The following RSPO2 variants were observed in gnomAD, a reference collection of about 807,000 sequenced individuals.
The protein encoded by RSPO2 is R-spondin-2.
A neutral mutation model predicts 30.9 loss-of-function variants in RSPO2; 14 were observed. The ratio of observed to expected loss-of-function variants is 0.45; its 90% CI spans 0.30 to 0.71. The LOEUF is 0.71. Among genes scored for constraint, RSPO2 ranks in the 30% least tolerant of loss-of-function variants. The probability of loss-of-function intolerance (pLI) is 0.08; values close to 1 mark genes in which losing one functional copy is unlikely to be tolerated. For synonymous variants in RSPO2, 107 were observed against 96.4 expected, an observed-to-expected ratio of 1.11 and a Z score of -0.64; for missense variants, 264 against 301.9, an observed-to-expected ratio of 0.87 and a Z score of 0.93.
intron 3 of RSPO2, among the ~76,000 whole-genome samples, chr8:107,981,966 A>G (rs1165691454): frequency 7.2e-6 from 1 of 138,138 alleles, no homozygotes; most frequent in Non-Finnish European, 1.6e-5. Context: ...CACAGAAGGG[A>G]TTGAGGCTTC....
intron 2 of RSPO2, among the ~76,000 whole-genome samples, chr8:108,013,183 G>A (rs1405414512): frequency 1.3e-5 from 2 of 152,294 alleles, no homozygotes; most frequent in Admixed American, 6.5e-5. Flanking sequence ...CAGGGATGCT[G>A]TAACCCTTGA....
intron 2 of RSPO2, among the ~76,000 whole-genome samples, chr8:108,078,306 A>C (rs1586684312): frequency 6.6e-6 from 1 of 152,206 alleles, no homozygotes; most frequent in African/African-American, 2.4e-5. Context: ...GTTATGTTGG[A>C]AGAGAAAGCA....
In RSPO2 at chr8:107,900,307, C is replaced by T. The variant is rs1475629601; in HGVS notation, c.*768G>A. 2.6e-5 allele frequency: 4 copies of T among 152,000 alleles called. No homozygotes were observed. The highest frequency in any genetic ancestry group is 2.6e-4 in the Admixed American group (4 of 15,240). The allele number at this position is 152,000 out of a possible 1,614,324, so 9.4% of individuals were successfully genotyped here. On this transcript the variant is annotated 3_prime_UTR_variant, in exon 6 of 6. Coordinates refer to ENST00000276659, the MANE Select transcript of RSPO2 (RefSeq NM_178565.5). ...TATATACAAAAACTAGTTTATCCTA[C>T]CCTTACAATGAGAAATAAGCCCACA... is the stretch of plus-strand genomic sequence containing the variant.
intron 2 of RSPO2, among the ~76,000 whole-genome samples, chr8:107,996,269 CATGAAG>C (rs1049721586): frequency 1.1e-4 from 17 of 152,218 alleles, no homozygotes; most frequent in African/African-American, 4.1e-4. Context: ...CCACCTTAAG[CATGAAG>C]ACCCTATGGA....
chr8:108,018,078 T>A (rs1810950748), intron 2 of RSPO2, among the ~76,000 whole-genome samples: 1 of 152,234 alleles, frequency 6.6e-6, no homozygotes. Flanking sequence ...ATAATATTTT[T>A]ATTTACTTAA....
intron 2 of RSPO2, among the ~76,000 whole-genome samples, chr8:108,065,058 T>C (rs1812617168): frequency 6.6e-6 from 1 of 151,892 alleles, no homozygotes; most frequent in South Asian, 2.1e-4. Flanking sequence ...CATTAGGATA[T>C]ATACCTAATG....
intron 3 of RSPO2, among the ~76,000 whole-genome samples, chr8:107,976,235 G>T (rs1166638854): frequency 6.6e-6 from 1 of 152,126 alleles, no homozygotes; most frequent in Non-Finnish European, 1.5e-5. Context: ...TTTTATGATG[G>T]GCAGTTGAAC....
At chr8:107,948,097 T>C (rs1288809012) in intron 5 of RSPO2, among the ~76,000 whole-genome samples, 10 of 152,240 alleles carry the variant, frequency 6.6e-5, no homozygotes, top group Admixed American at 6.5e-4. Flanking sequence ...TCAGAGCCTG[T>C]AACAATGTCA....
chr8:108,050,496 T>A (rs1766313021), intron 2 of RSPO2, among the ~76,000 whole-genome samples: 1 of 152,198 alleles, frequency 6.6e-6, no homozygotes, highest in East Asian at 1.9e-4. Context: ...TTAATTTTTT[T>A]ATTCTAGACC....
chr8:108,055,209 G>C (rs958451220), intron 2 of RSPO2, among the ~76,000 whole-genome samples: 1 of 152,152 alleles, frequency 6.6e-6, no homozygotes, highest in Non-Finnish European at 1.5e-5. Context: ...TGAAAAACAC[G>C]AGTAAAGAGC....
At chr8:107,970,163 T>C (rs2130468092) in intron 3 of RSPO2, among the ~76,000 whole-genome samples, 3 of 152,352 alleles carry the variant, frequency 2.0e-5, no homozygotes, top group Middle Eastern at 6.8e-3. Context: ...AACTCATGTC[T>C]GTCATAACAC....
intron 2 of RSPO2, among the ~76,000 whole-genome samples, chr8:108,042,553 A>C (rs1277449045): frequency 6.6e-6 from 1 of 152,144 alleles, no homozygotes; most frequent in Non-Finnish European, 1.5e-5. Flanking sequence ...GTTAATTAGA[A>C]TGGCAATAAG....
chr8:107,913,826 A>G (rs901012370), intron 5 of RSPO2, among the ~76,000 whole-genome samples: 3 of 152,168 alleles, frequency 2.0e-5, no homozygotes, highest in Admixed American at 1.3e-4. Context: ...AACATACAAT[A>G]TAAACTAAAA....
intron 5 of RSPO2, among the ~76,000 whole-genome samples, chr8:107,908,259 C>T (rs1293602592): frequency 6.6e-6 from 1 of 152,122 alleles, no homozygotes; most frequent in East Asian, 1.9e-4. Flanking sequence ...ATAAGGACTA[C>T]AACAAGGTAA....
Position 107,939,386 on chromosome 8 carries a change from A to G in RSPO2, c.616+18694T>C, listed in dbSNP as rs368483998. On this transcript the variant is annotated intron_variant, in intron 5 of 5. Transcript: ENST00000276659. ...ACAAGCTGAGAGAACAAGCGAAAAA[A>G]TATAGAAAAGTTACTAGACCAAAGG... 2.9e-3 allele frequency among the ~76,000 whole-genome samples: 435 copies of G among 152,190 alleles called. 20 individuals are homozygous for G. In the South Asian group the frequency reaches 0.082, roughly 29 times the overall value.
chr8:107,997,818 T>A (rs1468388444), intron 2 of RSPO2, among the ~76,000 whole-genome samples: 1 of 152,246 alleles, frequency 6.6e-6, no homozygotes, highest in African/African-American at 2.4e-5. Flanking sequence ...CTTTGTTAAA[T>A]CCAGTTATTC....
At position 107,980,226 on chromosome 8, in the gene RSPO2, AT is replaced by A. The variant is rs530608342; in HGVS notation, c.283+8829del. Among the ~76,000 whole-genome samples, 101 of 148,836 alleles carry A rather than the reference AT, an allele frequency of 6.8e-4. 1 individual carries two copies. Among genetic ancestry groups the A allele is most frequent in the Admixed American group, 1.8e-3 (27 of 14,906 alleles). On this transcript the variant is annotated intron_variant, in intron 3 of 5. Coordinates refer to ENST00000276659, the MANE Select transcript of RSPO2 (RefSeq NM_178565.5). ...TTCTTAGCACATTCAATTCCATTCC[AT>A]TTTTTTTTTAATAAAAACACACATT...
chr8:108,047,938 A>T (rs1054023770), intron 2 of RSPO2, among the ~76,000 whole-genome samples: 10 of 151,962 alleles, frequency 6.6e-5, no homozygotes, highest in Non-Finnish European at 1.2e-4. Context: ...GCAGGTTAAG[A>T]GATTGACACA....
intron 2 of RSPO2, among the ~76,000 whole-genome samples, chr8:108,018,745 T>C (rs571104236): frequency 6.6e-6 from 1 of 152,350 alleles, no homozygotes; most frequent in African/African-American, 2.4e-5. Flanking sequence ...TACTTCCAAA[T>C]ATTTCCAAAT....
Sources: gnomAD v4.1 joint callset for allele counts (sites outside exome capture counted in the v4.1 genomes callset) on GRCh38, gnomAD v4.1.1 for gene constraint, MANE v1.5 for transcripts, NCBI Gene and HGNC (gene_info 2026-07-23, HGNC 2026-07-21) for gene names.